RBFOX1: variants seen among roughly 807,000 people sequenced by gnomAD.
RBFOX1 encodes the protein RNA binding protein fox-1 homolog 1.
RBFOX1 carries 8 observed loss-of-function variants against 57.7 expected under a neutral mutation model. That is an observed-to-expected ratio of 0.14 (90% CI 0.08 to 0.25). The LOEUF is 0.25. Among genes scored for constraint, RBFOX1 ranks in the 10% least tolerant of loss-of-function variants. The pLI is 1.00. For synonymous variants in RBFOX1, 326 were observed against 222.4 expected (o/e 1.47, Z -4.15); for missense variants, 611 against 548.5 (o/e 1.11, Z -1.14).
chr16:5,406,547 T>C (rs1037976989), intron 1 of RBFOX1, among the ~76,000 whole-genome samples: 4 of 152,080 alleles, frequency 2.6e-5, no homozygotes, highest in Non-Finnish European at 5.9e-5. Context: ...AATAAATCTC[T>C]CCCTCTCTCT....
chr16:7,048,520 A>T (rs986569155), intron 3 of RBFOX1, among the ~76,000 whole-genome samples: 3 of 151,972 alleles, frequency 2.0e-5, no homozygotes, highest in Admixed American at 2.0e-4. Flanking sequence ...CAGCCTTCCA[A>T]AGTGCTGGGA....
At chr16:7,098,533 T>G (rs566832184) in intron 4 of RBFOX1, among the ~76,000 whole-genome samples, 2 of 152,336 alleles carry the variant, frequency 1.3e-5, no homozygotes, top group Non-Finnish European at 2.9e-5. Context: ...TACTTTACTT[T>G]ATTGAAATGT....
At chr16:5,314,740 ATCC>A (rs1040398482) in intron 1 of RBFOX1, among the ~76,000 whole-genome samples, 3 of 151,756 alleles carry the variant, frequency 2.0e-5, no homozygotes, top group African/African-American at 4.8e-5. Context: ...GACTCAAGCA[ATCC>A]TCCTGCTTTG....
chr16:6,612,052 C>A (rs369505490), intron 2 of RBFOX1, among the ~76,000 whole-genome samples: 2 of 152,140 alleles, frequency 1.3e-5, no homozygotes, highest in Admixed American at 1.3e-4. Flanking sequence ...GTTCCTGTTT[C>A]TTGCATTATT....
chr16:6,796,717 C>G (rs1007177920), intron 3 of RBFOX1, among the ~76,000 whole-genome samples: 3 of 152,130 alleles, frequency 2.0e-5, no homozygotes, highest in Non-Finnish European at 4.4e-5. Context: ...TGAACTTTCT[C>G]TCCTGGGTAC....
At chr16:5,974,601 G>C (rs1986245) in intron 4 of RBFOX1, among the ~76,000 whole-genome samples, 97,510 of 151,974 alleles carry the variant, frequency 0.64, 33,008 homozygotes, top group East Asian at 0.9. Flanking sequence ...CAGAGCGAAA[G>C]TCCATCTCAA....
intron 2 of RBFOX1, among the ~76,000 whole-genome samples, chr16:5,475,486 C>T (rs1265294708): frequency 1.3e-5 from 2 of 152,224 alleles, no homozygotes; most frequent in Non-Finnish European, 2.9e-5. Context: ...GCACCTTCTT[C>T]CAACCTCTTC....
intron 1 of RBFOX1, among the ~76,000 whole-genome samples, chr16:6,200,992 C>T (rs972820994): frequency 5.9e-5 from 9 of 151,570 alleles, no homozygotes; most frequent in African/African-American, 1.9e-4. Flanking sequence ...AATGTGAAAT[C>T]CGCATTATGC....
chr16:6,640,059 A>G (rs1602354052), intron 2 of RBFOX1, among the ~76,000 whole-genome samples: 1 of 152,154 alleles, frequency 6.6e-6, no homozygotes, highest in South Asian at 2.1e-4. Context: ...AGAACAGATA[A>G]GTTGCTGCGA....
chr16:6,801,482 C>T (rs961033568), intron 3 of RBFOX1, among the ~76,000 whole-genome samples: 1 of 152,050 alleles, frequency 6.6e-6, no homozygotes, highest in Non-Finnish European at 1.5e-5. Flanking sequence ...ATTATTGAGC[C>T]AGTTTATAGT....
chr16:6,688,991 T>G (rs1270857094), intron 3 of RBFOX1, among the ~76,000 whole-genome samples: 1 of 152,224 alleles, frequency 6.6e-6, no homozygotes, highest in African/African-American at 2.4e-5. Context: ...GGCTGCATAG[T>G]ATTCCATGGT....
At chr16:7,598,219 A>G (rs1328433416) in intron 9 of RBFOX1, among the ~76,000 whole-genome samples, 3 of 152,312 alleles carry the variant, frequency 2.0e-5, no homozygotes, top group East Asian at 3.9e-4. Context: ...GTTAAAGTAT[A>G]TACACATGGT....
intron 11 of RBFOX1, among the ~76,000 whole-genome samples, chr16:7,647,417 A>G (rs889603486): frequency 2.6e-5 from 4 of 152,156 alleles, no homozygotes; most frequent in African/African-American, 7.2e-5. Context: ...TAATGAACCT[A>G]TGGGTTTTCT....
chr16:7,066,631 A>T (rs1308281145), intron 4 of RBFOX1, among the ~76,000 whole-genome samples: 1 of 152,216 alleles, frequency 6.6e-6, no homozygotes, highest in African/African-American at 2.4e-5. Flanking sequence ...TTAAAAGTGT[A>T]GACAATTTCC....
chr16:5,358,106 A>G (rs1468614466), intron 1 of RBFOX1, among the ~76,000 whole-genome samples: 1 of 151,960 alleles, frequency 6.6e-6, no homozygotes, highest in African/African-American at 2.4e-5. Flanking sequence ...GCTGTGGGAA[A>G]TCATCTGTTC....
intron 2 of RBFOX1, among the ~76,000 whole-genome samples, chr16:6,544,337 C>T (rs2096865786): frequency 6.6e-6 from 1 of 152,156 alleles, no homozygotes; most frequent in Non-Finnish European, 1.5e-5. Context: ...GCAGAAGTGT[C>T]ATCAATGGTG....
At chr16:7,685,839 CT>C (rs913724129) in intron 14 of RBFOX1, among the ~76,000 whole-genome samples, 2 of 152,060 alleles carry the variant, frequency 1.3e-5, no homozygotes, top group African/African-American at 4.8e-5. Flanking sequence ...GAAATCAGAT[CT>C]TTTATTCTCA....
In RBFOX1 at chr16:6,823,882, G is replaced by C. The variant is rs190854546; in HGVS notation, c.-16+169232G>C. On this transcript the variant is annotated intron_variant, in intron 3 of 15. Transcript: ENST00000550418. ...GTGGGCTGGGGTTGAGGGGATTACA[G>C]ATTGCTGCAAAAAGGAGCATGCTGG... Among the ~76,000 whole-genome samples, 4 of 152,238 alleles carry C rather than the reference G, an allele frequency of 2.6e-5. No individual in the cohort carries two copies. In the East Asian group the frequency reaches 7.8e-4, roughly 30 times the overall value.
At chr16:7,009,600 C>T (rs368755785) in intron 3 of RBFOX1, among the ~76,000 whole-genome samples, 4 of 152,068 alleles carry the variant, frequency 2.6e-5, no homozygotes, top group Non-Finnish European at 5.9e-5. Context: ...CCAGCTAATC[C>T]AATAATGGAG....
Sources: allele counts gnomAD v4.1 joint callset (sites outside exome capture counted in the v4.1 genomes callset), GRCh38; gene constraint gnomAD v4.1.1; transcripts MANE v1.5; gene names NCBI Gene and HGNC (gene_info 2026-07-23, HGNC 2026-07-21).